Variants in PDLIM5 observed in about 807,000 individuals in gnomAD.
PDLIM5 encodes PDZ and LIM domain 5.
PDLIM5 carries 34 observed loss-of-function variants against 64.2 expected under a neutral mutation model. That is an observed-to-expected ratio of 0.53 (90% CI 0.40 to 0.71). The LOEUF is 0.71. Among genes scored for constraint, PDLIM5 ranks in the 30% least tolerant of loss-of-function variants. The pLI is 0.00. For synonymous variants in PDLIM5, 253 were observed against 269.1 expected (o/e 0.94, Z 0.59); for missense variants, 683 against 733.6 (o/e 0.93, Z 0.80).
At chr4:94,595,132 G>A (rs1736967043) in intron 7 of PDLIM5, among the ~76,000 whole-genome samples, 1 of 152,152 alleles carries the variant, frequency 6.6e-6, no homozygotes, top group Non-Finnish European at 1.5e-5. Context: ...CAATCTCACT[G>A]TCACAAGAAC....
chr4:94,555,414 C>T (rs139253642), intron 3 of PDLIM5, among the ~76,000 whole-genome samples: 1 of 152,194 alleles, frequency 6.6e-6, no homozygotes, highest in African/African-American at 2.4e-5. Flanking sequence ...GACATAACCC[C>T]ATCATTAGTC....
Position 94,467,864 on chromosome 4 carries a change from T to C in PDLIM5, c.96+12480T>C, listed in dbSNP as rs114114744. On this transcript the variant is annotated intron_variant, in intron 2 of 12. Coordinates refer to ENST00000317968, the MANE Select transcript of PDLIM5 (RefSeq NM_006457.5). ...GCCTTTCAAACAGGGGAATGAGTTATATTTCCCTTTGAGTCTTGTGGATAT... is the reference window on the plus strand; with the variant it reads ...GCCTTTCAAACAGGGGAATGAGTTACATTTCCCTTTGAGTCTTGTGGATAT... 3.4e-3 allele frequency among the ~76,000 whole-genome samples: 521 copies of C among 152,330 alleles called. 2 individuals are homozygous for C. Among genetic ancestry groups the C allele is most frequent in the African/African-American group, 0.012 (492 of 41,566 alleles).
chr4:94,622,740 G>T (rs113036501), intron 8 of PDLIM5, among the ~76,000 whole-genome samples: 1 of 149,908 alleles, frequency 6.7e-6, no homozygotes, highest in East Asian at 2.0e-4. Context: ...GCACAATCTC[G>T]GCTCACTGCA....
rs535273269 is a variant in PDLIM5 at position 94,616,427 on chromosome 4, T to C, written c.921-1577T>C. 2.0e-5 allele frequency among the ~76,000 whole-genome samples: 3 copies of C among 152,344 alleles called. No homozygotes were observed. In the East Asian group the frequency reaches 5.8e-4, roughly 29 times the overall value. ...TTATTTAAGCCTCGTAGAAATCTTA[T>C]GAGCAAAATGTTACTCGGTACACTT... On this transcript the variant is annotated intron_variant, in intron 7 of 12. Coordinates refer to ENST00000317968, the MANE Select transcript of PDLIM5 (RefSeq NM_006457.5).
rs1272337601 is a variant in PDLIM5, at chr4:94,575,935, C to G, written c.611C>G (p.Pro204Arg). The G allele has an allele frequency of 1.2e-6, 2 of 1,613,952 alleles. No individual in the cohort carries two copies. The highest frequency in any genetic ancestry group is 2.7e-5 in the African/African-American group (2 of 74,918). Reference sequence around the variant, plus strand: ...GCTGGTAAAACTGCAGTTAATGTCCCACGGCAGCCCACAGTCACCAGCGTG... The same window carrying G: ...GCTGGTAAAACTGCAGTTAATGTCCGACGGCAGCCCACAGTCACCAGCGTG... Reference protein sequence around the residue: ...LSAGKTAVNVPRQPTVTSVCS... With the variant: ...LSAGKTAVNVRRQPTVTSVCS... The change falls in exon 5 of 13, where the codon CCA (proline) becomes CGA (arginine). Residue 204 changes from proline to arginine, a missense_variant. Transcript: ENST00000317968.
chr4:94,473,158 A>G (rs994175886), intron 2 of PDLIM5, among the ~76,000 whole-genome samples: 7 of 152,254 alleles, frequency 4.6e-5, no homozygotes, highest in African/African-American at 1.7e-4. Context: ...CAAAGGGTAA[A>G]GACCTTGAGG....
chr4:94,657,632 A>G, intron 11 of PDLIM5, 85 bp downstream of exon 11: 1 of 949,486 alleles, frequency 1.1e-6, no homozygotes. Flanking sequence ...TCAAGAAAAT[A>G]TTAGGCAAAG....
At chr4:94,523,948 G>C in intron 3 of PDLIM5, 73 bp downstream of exon 3, 1 of 1,078,636 alleles carries the variant, frequency 9.3e-7, no homozygotes, top group African/African-American at 1.6e-5. Flanking sequence ...TCTGACTCAC[G>C]GTGTTAACTA....
intron 1 of PDLIM5, among the ~76,000 whole-genome samples, chr4:94,454,065 G>A (rs1484845035): frequency 1.3e-5 from 2 of 152,094 alleles, no homozygotes; most frequent in African/African-American, 2.4e-5. Flanking sequence ...ATCTATATCT[G>A]CAACTATGAA....
At chr4:94,604,696 C>T (rs1258519069) in intron 7 of PDLIM5, among the ~76,000 whole-genome samples, 1 of 151,932 alleles carries the variant, frequency 6.6e-6, no homozygotes, top group Non-Finnish European at 1.5e-5. Context: ...TTACCACAGG[C>T]TAGGGGGAGG....
chr4:94,479,777 A>G (rs989507266), intron 2 of PDLIM5, among the ~76,000 whole-genome samples: 1 of 152,208 alleles, frequency 6.6e-6, no homozygotes, highest in Non-Finnish European at 1.5e-5. Flanking sequence ...CATGCTGCTT[A>G]TTTATCTCTT....
chr4:94,611,169 TC>T, intron 7 of PDLIM5: 1 of 1,535,308 alleles, frequency 6.5e-7, no homozygotes, highest in Non-Finnish European at 8.7e-7. Flanking sequence ...CTCAAGGAAA[TC>T]AACTGGCTCT....
At chr4:94,564,443 A>G (rs1342617578) in intron 3 of PDLIM5, among the ~76,000 whole-genome samples, 2 of 152,004 alleles carry the variant, frequency 1.3e-5, no homozygotes, top group Middle Eastern at 3.4e-3. Flanking sequence ...TGCACTTGCT[A>G]TTTGGACTGC....
At chr4:94,648,065 A>T (rs7656545) in intron 9 of PDLIM5, among the ~76,000 whole-genome samples, 31,478 of 152,112 alleles carry the variant, frequency 0.21, 3,402 homozygotes, top group African/African-American at 0.25. Context: ...CAGAAGGAAG[A>T]ATCATCTCAA....
At chr4:94,456,926 A>G (rs1027261384) in intron 2 of PDLIM5, 13 of 997,250 alleles carry the variant, frequency 1.3e-5, no homozygotes, top group Non-Finnish European at 1.3e-5. Context: ...GTGCGCTCAC[A>G]TGACTGTATG....
intron 7 of PDLIM5, chr4:94,610,332 G>A: frequency 1.4e-6 from 2 of 1,436,418 alleles, no homozygotes; most frequent in Non-Finnish European, 1.8e-6. Flanking sequence ...GCGTCTGTCT[G>A]ATGTGATCTC....
chr4:94,562,914 G>C (rs549852089), intron 3 of PDLIM5, among the ~76,000 whole-genome samples: 8 of 152,042 alleles, frequency 5.3e-5, no homozygotes, highest in Non-Finnish European at 1.2e-4. Flanking sequence ...TAGAAAAAAA[G>C]ATACTAATAC....
At chr4:94,569,545 C>T (rs1734628643) in intron 3 of PDLIM5, among the ~76,000 whole-genome samples, 1 of 152,038 alleles carries the variant, frequency 6.6e-6, no homozygotes, top group Non-Finnish European at 1.5e-5. Context: ...GTCTCAAACT[C>T]CTGACCTCAG....
intron 2 of PDLIM5, among the ~76,000 whole-genome samples, chr4:94,499,043 A>G (rs1337591676): frequency 6.6e-6 from 1 of 152,232 alleles, no homozygotes. Flanking sequence ...GGTCTACTTT[A>G]GTAGACCATA....
Sources: gnomAD v4.1 joint callset for allele counts (sites outside exome capture counted in the v4.1 genomes callset) on GRCh38, gnomAD v4.1.1 for gene constraint, MANE v1.5 for transcripts, NCBI Gene and HGNC (gene_info 2026-07-23, HGNC 2026-07-21) for gene names.